Variants in RAPGEF1 observed in about 807,000 individuals in gnomAD.
RAPGEF1 encodes Rap guanine nucleotide exchange factor 1.
In RAPGEF1, 33 loss-of-function variants were observed where a neutral mutation model predicts 143.3. That is an observed-to-expected ratio of 0.23 (90% CI 0.17 to 0.31). The LOEUF is 0.31. Ranked by LOEUF, RAPGEF1 falls within the 10% of genes least tolerant of loss-of-function variation. The probability of loss-of-function intolerance (pLI) is 1.00; values close to 1 mark genes in which losing one functional copy is unlikely to be tolerated. For synonymous variants in RAPGEF1, 629 were observed against 676.5 expected (o/e 0.93, Z 1.09); for missense variants, 1,199 against 1,645.4 (o/e 0.73, Z 4.69).
chr9:131,691,240 T>C lies in RAPGEF1; in HGVS notation c.62-40291A>G, dbSNP rs186983836. On this transcript the variant is annotated intron_variant, in intron 1 of 26. Coordinates refer to ENST00000683357, the MANE Select transcript of RAPGEF1 (RefSeq NM_001377935.1). Reference sequence around the variant, plus strand: ...ATTTTAATTGTTTTAAACCTGTTGATATTTTTGACAAACTTCTCAAAATCA... The same window carrying C: ...ATTTTAATTGTTTTAAACCTGTTGACATTTTTGACAAACTTCTCAAAATCA... 3.2e-3 allele frequency among the ~76,000 whole-genome samples: 484 copies of C among 152,360 alleles called. 13 individuals carry two copies. Among genetic ancestry groups the C allele is most frequent in the Admixed American group, 0.029 (439 of 15,308 alleles).
At chr9:131,663,452 GCTT>G (rs1479118543) in intron 1 of RAPGEF1, among the ~76,000 whole-genome samples, 1 of 137,226 alleles carries the variant, frequency 7.3e-6, no homozygotes, top group Admixed American at 7.3e-5. Flanking sequence ...ATTCTCTATA[GCTT>G]TTTTTTTTTT....
chr9:131,627,113 C>G (rs549724345), intron 9 of RAPGEF1, among the ~76,000 whole-genome samples: 1 of 147,220 alleles, frequency 6.8e-6, no homozygotes, highest in East Asian at 2.1e-4. Flanking sequence ...GCTTGGGAGG[C>G]TGAGGCAGGA....
intron 18 of RAPGEF1, 28 bp downstream of exon 18, chr9:131,592,071 G>A: frequency 6.4e-7 from 1 of 1,555,622 alleles, no homozygotes; most frequent in Admixed American, 1.7e-5. Flanking sequence ...CATGGTGCAG[G>A]GGCCCTGGGT....
In RAPGEF1 at chr9:131,641,678, T is replaced by C. The variant is rs997335501; in HGVS notation, c.494+1561A>G. 6.6e-6 allele frequency among the ~76,000 whole-genome samples: 1 copy of C among 152,242 alleles called. No individual in the cohort carries two copies. The highest frequency in any genetic ancestry group is 2.4e-5 in the African/African-American group (1 of 41,456). ...AAGAGGGAATCCATACATCTCGCTG[T>C]GGCATGACGTCAGCACATGCGCTCC... On this transcript the variant is annotated intron_variant, in intron 4 of 26. Coordinates refer to ENST00000683357, the MANE Select transcript of RAPGEF1 (RefSeq NM_001377935.1). This position sits in a 1 kb window ranked among gnomAD's most constrained non-coding sequence, Gnocchi z 4.6.
intron 5 of RAPGEF1, among the ~76,000 whole-genome samples, chr9:131,638,019 C>T (rs1239299999): frequency 6.6e-6 from 1 of 152,204 alleles, no homozygotes; most frequent in Non-Finnish European, 1.5e-5. Flanking sequence ...TGGTTCATGT[C>T]CAACATTCTG....
intron 1 of RAPGEF1, among the ~76,000 whole-genome samples, chr9:131,714,584 T>G (rs1189658479): frequency 6.6e-6 from 1 of 152,212 alleles, no homozygotes; most frequent in Non-Finnish European, 1.5e-5. Context: ...AAGTGTGAGT[T>G]CCAGCTCAGC....
chr9:131,702,552 G>C (rs1366231284), intron 1 of RAPGEF1, among the ~76,000 whole-genome samples: 1 of 152,170 alleles, frequency 6.6e-6, no homozygotes, highest in Admixed American at 6.5e-5. Flanking sequence ...CAAGAGGAAC[G>C]ATTTCAAAAT....
intron 6 of RAPGEF1, 61 bp downstream of exon 6, chr9:131,630,175 T>G: frequency 2.0e-6 from 3 of 1,518,450 alleles, no homozygotes; most frequent in Admixed American, 1.7e-5. Context: ...CCTATCCTTG[T>G]CAAGTGCAGA....
chr9:131,687,250 G>A (rs1833424393), intron 1 of RAPGEF1, among the ~76,000 whole-genome samples: 1 of 152,096 alleles, frequency 6.6e-6, no homozygotes, highest in Admixed American at 6.6e-5. Flanking sequence ...GAATGCAGCG[G>A]CACGATCTCA....
intron 1 of RAPGEF1, among the ~76,000 whole-genome samples, chr9:131,694,421 G>C (rs1264346277): frequency 5.3e-5 from 8 of 152,188 alleles, no homozygotes; most frequent in African/African-American, 1.9e-4. Flanking sequence ...GGTTCAGATG[G>C]GGAACCCAGG....
intron 1 of RAPGEF1, among the ~76,000 whole-genome samples, chr9:131,659,592 C>T (rs900577896): frequency 6.6e-6 from 1 of 152,084 alleles, no homozygotes; most frequent in Admixed American, 6.5e-5. Flanking sequence ...CGGTTCCTCA[C>T]CTAGAGGAAA....
intron 1 of RAPGEF1, chr9:131,737,348 A>G (rs191869103): frequency 8.1e-5 from 131 of 1,612,152 alleles, no homozygotes; most frequent in Non-Finnish European, 9.7e-5. Context: ...GCCTAGCACA[A>G]ACACTGTCCC....
rs1244328870 is a variant in RAPGEF1, at chr9:131,621,976, C to T, written c.1725G>A (p.Leu575=). Residue 575 remains leucine, a synonymous_variant, in exon 11 of 27, where the codon CTG becomes CTA. Coordinates refer to ENST00000683357, the MANE Select transcript of RAPGEF1 (RefSeq NM_001377935.1). This position sits in a 1 kb window ranked among gnomAD's most constrained non-coding sequence, Gnocchi z 4.5. ...NKHMLAYMQL[L]EDYSEPQPSM... ...AGGGCTGCGGCTCCGAGTAGTCCTCCAGCAACTGCATGTAGGCCAGCACTG... is the reference window on the plus strand; with the variant it reads ...AGGGCTGCGGCTCCGAGTAGTCCTCTAGCAACTGCATGTAGGCCAGCACTG... 3 of 1,613,160 alleles carry T rather than the reference C, an allele frequency of 1.9e-6. No homozygotes were observed. Among genetic ancestry groups the T allele is most frequent in the Admixed American group, 1.7e-5 (1 of 59,894 alleles).
intron 12 of RAPGEF1, among the ~76,000 whole-genome samples, chr9:131,612,909 T>C (rs1958258052): frequency 6.6e-6 from 1 of 152,202 alleles, no homozygotes; most frequent in East Asian, 1.9e-4. Flanking sequence ...AAATGGATTC[T>C]TGGCCAGAGC....
At chr9:131,724,592 C>T (rs1290553247) in intron 1 of RAPGEF1, among the ~76,000 whole-genome samples, 1 of 151,714 alleles carries the variant, frequency 6.6e-6, no homozygotes, top group Non-Finnish European at 1.5e-5. Flanking sequence ...GAGATTCCGG[C>T]TCAGAAAAAA....
intron 1 of RAPGEF1, among the ~76,000 whole-genome samples, chr9:131,651,630 G>A (rs1971098977): frequency 6.6e-6 from 1 of 152,112 alleles, no homozygotes; most frequent in Non-Finnish European, 1.5e-5. Context: ...AAAAGCACAA[G>A]TAACAAAATA....
intron 1 of RAPGEF1, among the ~76,000 whole-genome samples, chr9:131,715,709 C>CA (rs774797700): frequency 1.3e-5 from 2 of 151,680 alleles, no homozygotes; most frequent in African/African-American, 4.8e-5. Context: ...ACTGAAAATA[C>CA]AAAAATTACC....
In RAPGEF1 at chr9:131,733,368, G is replaced by T. The variant is rs867366477; in HGVS notation, c.61+6402C>A. On this transcript the variant is annotated intron_variant, in intron 1 of 26. Coordinates refer to ENST00000683357, the MANE Select transcript of RAPGEF1 (RefSeq NM_001377935.1). ...TTTAAAAAAGCCGGGGCGGGGGCGG[G>T]GGGGGGGGTGGTGCGGGGTTGGCGG... Among the ~76,000 whole-genome samples, 6 of 119,596 alleles carry T rather than the reference G, an allele frequency of 5.0e-5. 1 individual carries two copies. The highest frequency in any genetic ancestry group is 1.0e-4 in the Non-Finnish European group (6 of 59,888). 78.5% of individuals were successfully genotyped at this position (119,596 alleles called of 152,430 possible). A position where few individuals can be genotyped will look rare whatever the true frequency, so the allele number is the denominator to read the frequency against.
rs547907540 is a variant in RAPGEF1, at chr9:131,597,352, G to A, written c.2613+847C>T. ...AAGGATCTCTCTGCAGAGGAGCCCA[G>A]CTGTGTGAGTACCCTCATCAGCCCT... On this transcript the variant is annotated intron_variant, in intron 16 of 26. Transcript: ENST00000683357. Among the ~76,000 whole-genome samples, 4 of 152,370 alleles carry A rather than the reference G, an allele frequency of 2.6e-5. No homozygotes were observed. In the South Asian group the frequency reaches 8.3e-4, roughly 32 times the overall value.
Sources: allele counts gnomAD v4.1 joint callset (sites outside exome capture counted in the v4.1 genomes callset), GRCh38; gene constraint gnomAD v4.1.1; non-coding constraint Gnocchi (gnomAD v3.1); transcripts MANE v1.5; gene names NCBI Gene and HGNC (gene_info 2026-07-23, HGNC 2026-07-21).